SLC8A1: variants seen among roughly 807,000 people sequenced by gnomAD.
SLC8A1 encodes sodium/calcium exchanger 1.
Under a neutral mutation model 68.3 loss-of-function variants are expected in SLC8A1, and 18 were observed. That is an observed-to-expected ratio of 0.26 (90% CI 0.18 to 0.39). The LOEUF is 0.39. SLC8A1 is among the 10% of genes least tolerant of loss of function. SLC8A1 has a pLI of 1.00. For synonymous variants in SLC8A1, 475 were observed against 415.5 expected (o/e 1.14, Z -1.74); for missense variants, 985 against 1,156.7 (o/e 0.85, Z 2.15).
At chr2:40,493,566 C>T (rs1310096942) in intron 1 of SLC8A1, among the ~76,000 whole-genome samples, 1 of 150,188 alleles carries the variant, frequency 6.7e-6, no homozygotes, top group Non-Finnish European at 1.5e-5. Context: ...AATAAATTTA[C>T]AAAGATCACA....
At chr2:40,345,336 A>T (rs897624531) in intron 2 of SLC8A1, among the ~76,000 whole-genome samples, 2 of 152,196 alleles carry the variant, frequency 1.3e-5, no homozygotes, top group East Asian at 3.8e-4. Flanking sequence ...TGCTTCATAA[A>T]TTATATTTCC....
chr2:40,226,512 A>G (rs1034499983), intron 2 of SLC8A1, among the ~76,000 whole-genome samples: 1 of 152,148 alleles, frequency 6.6e-6, no homozygotes, highest in Non-Finnish European at 1.5e-5. Flanking sequence ...TTCTGTACAC[A>G]GATCTTGCCT....
intron 2 of SLC8A1, among the ~76,000 whole-genome samples, chr2:40,361,753 G>C (rs1199032888): frequency 6.6e-6 from 1 of 151,914 alleles, no homozygotes; most frequent in African/African-American, 2.4e-5. Context: ...GTATCGGGTA[G>C]GAAGGATTGC....
chr2:40,375,784 C>T (rs562288111), intron 2 of SLC8A1, among the ~76,000 whole-genome samples: 11 of 152,202 alleles, frequency 7.2e-5, no homozygotes, highest in African/African-American at 2.6e-4. Context: ...AGGCAGATTG[C>T]TTGAGCTCGA....
At chr2:40,305,235 T>C (rs1445023247) in intron 2 of SLC8A1, among the ~76,000 whole-genome samples, 1 of 152,174 alleles carries the variant, frequency 6.6e-6, no homozygotes, top group East Asian at 1.9e-4. Flanking sequence ...GACAGAAGGA[T>C]GACCATGACA....
intron 2 of SLC8A1, among the ~76,000 whole-genome samples, chr2:40,270,154 T>C (rs1222463213): frequency 1.3e-5 from 2 of 152,210 alleles, no homozygotes; most frequent in Non-Finnish European, 2.9e-5. Flanking sequence ...ACTGTGTCTA[T>C]GAGACAATTC....
chr2:40,195,135 T>C (rs1383793059), intron 2 of SLC8A1, among the ~76,000 whole-genome samples: 3 of 152,076 alleles, frequency 2.0e-5, no homozygotes, highest in Non-Finnish European at 4.4e-5. Flanking sequence ...AACTGAAGTC[T>C]TGAAATCAAC....
chr2:40,272,994 G>C (rs1250197248), intron 2 of SLC8A1, among the ~76,000 whole-genome samples: 1 of 152,198 alleles, frequency 6.6e-6, no homozygotes, highest in African/African-American at 2.4e-5. Flanking sequence ...CCAGGCTGGA[G>C]TGCATTGGCA....
intron 2 of SLC8A1, among the ~76,000 whole-genome samples, chr2:40,417,841 G>C (rs1442490277): frequency 6.8e-6 from 1 of 148,052 alleles, no homozygotes; most frequent in Non-Finnish European, 1.5e-5. Flanking sequence ...AAGATAGCTG[G>C]AGTCAGGCAC....
intron 1 of SLC8A1, among the ~76,000 whole-genome samples, chr2:40,445,827 GA>G (rs1339804991): frequency 6.6e-6 from 1 of 152,148 alleles, no homozygotes; most frequent in Non-Finnish European, 1.5e-5. Flanking sequence ...GATCATTTTG[GA>G]AGAGTGACTT....
At chr2:40,373,525 T>C (rs1678828735) in intron 2 of SLC8A1, among the ~76,000 whole-genome samples, 1 of 152,066 alleles carries the variant, frequency 6.6e-6, no homozygotes, top group African/African-American at 2.4e-5. Context: ...GACTAAGAGC[T>C]CTTGAGTATC....
intron 1 of SLC8A1, among the ~76,000 whole-genome samples, chr2:40,489,587 G>A (rs1281203147): frequency 2.0e-5 from 3 of 152,074 alleles, no homozygotes; most frequent in Non-Finnish European, 1.5e-5. Flanking sequence ...CTATTAGAAG[G>A]GGAGTAGAGT....
chr2:40,446,411 T>C (rs1443709423), intron 1 of SLC8A1: 1 of 152,242 alleles, frequency 6.6e-6, no homozygotes, highest in African/African-American at 2.4e-5. Flanking sequence ...TTCTCCACGG[T>C]TACCTTGTCG....
At chr2:40,448,499 C>A (rs1006917848) in intron 1 of SLC8A1, among the ~76,000 whole-genome samples, 1 of 152,242 alleles carries the variant, frequency 6.6e-6, no homozygotes, top group East Asian at 1.9e-4. Flanking sequence ...CTCTAGGGAA[C>A]AGAAATACCT....
intron 1 of SLC8A1, among the ~76,000 whole-genome samples, chr2:40,502,286 T>C (rs1706103335): frequency 6.6e-6 from 1 of 152,086 alleles, no homozygotes; most frequent in African/African-American, 2.4e-5. Context: ...GAAGGCACAA[T>C]CATTTAGCCA....
chr2:40,261,449 C>G (rs2149095033), intron 2 of SLC8A1, among the ~76,000 whole-genome samples: 1 of 152,286 alleles, frequency 6.6e-6, no homozygotes, highest in East Asian at 1.9e-4. Context: ...TGCTGGAGTT[C>G]TACTGAGGTT....
At chr2:40,253,100 TAC>T (rs1558968047) in intron 2 of SLC8A1, among the ~76,000 whole-genome samples, 1 of 109,368 alleles carries the variant, frequency 9.1e-6, no homozygotes, top group African/African-American at 4.0e-5. Context: ...ATAGTATATA[TAC>T]ATATATACGT....
In SLC8A1 at chr2:40,421,648, C is replaced by G. The variant is rs190606360; in HGVS notation, c.1808+6825G>C. Among the ~76,000 whole-genome samples the G allele has an allele frequency of 2.6e-5, 4 of 152,260 alleles. No individual in the cohort carries two copies. The East Asian group carries it at 7.7e-4, about 29-fold the overall frequency. On this transcript the variant is annotated intron_variant, in intron 2 of 7. Coordinates refer to ENST00000406785, the Ensembl canonical transcript of SLC8A1. The stretch of plus-strand genomic sequence containing the variant: ...ACTCAGGTTCTGCTTTTCGTTCTTA[C>G]CTTCATATCTTCAACTGTCACCAAA...
At chr2:40,336,324 T>C (rs1665963242) in intron 2 of SLC8A1, among the ~76,000 whole-genome samples, 1 of 152,062 alleles carries the variant, frequency 6.6e-6, no homozygotes, top group African/African-American at 2.4e-5. Flanking sequence ...CTCAAATGAG[T>C]AAACAAATTA....
Sources: gnomAD v4.1 joint callset for allele counts (sites outside exome capture counted in the v4.1 genomes callset) on GRCh38, gnomAD v4.1.1 for gene constraint, MANE v1.5 for transcripts, NCBI Gene and HGNC (gene_info 2026-07-23, HGNC 2026-07-21) for gene names.